The following CSMD3 variants were observed in gnomAD, a reference collection of about 807,000 sequenced individuals.
CSMD3 encodes the protein CUB and Sushi multiple domains 3.
A neutral mutation model predicts 435.2 loss-of-function variants in CSMD3; 177 were observed. The observed-to-expected ratio is 0.41, with a 90% CI of 0.36 to 0.46. The LOEUF is 0.46. Among genes scored for constraint, CSMD3 ranks in the 20% least tolerant of loss-of-function variants. The pLI is 0.34. For missense variants in CSMD3, 4,265 were observed against 4,504.6 expected (o/e 0.95, Z 1.52); for synonymous variants, 1,656 against 1,520.5 (o/e 1.09, Z -2.07).
At chr8:112,290,553 T>C (rs1401777053) in intron 56 of CSMD3, among the ~76,000 whole-genome samples, 1 of 151,954 alleles carries the variant, frequency 6.6e-6, no homozygotes, top group East Asian at 1.9e-4. Context: ...GAATCAAATT[T>C]TACAGACACA....
intron 23 of CSMD3, among the ~76,000 whole-genome samples, chr8:112,581,768 C>T (rs922472831): frequency 1.3e-5 from 2 of 151,922 alleles, no homozygotes; most frequent in Non-Finnish European, 2.9e-5. Context: ...ACTATGAATG[C>T]ATAATATTTC....
chr8:113,262,888 G>A (rs1300307373), intron 3 of CSMD3, among the ~76,000 whole-genome samples: 1 of 152,044 alleles, frequency 6.6e-6, no homozygotes, highest in Non-Finnish European at 1.5e-5. Context: ...GCTGACTGCA[G>A]CTCAGACTTC....
At chr8:112,992,507 G>A (rs2085492846) in intron 6 of CSMD3, among the ~76,000 whole-genome samples, 1 of 151,656 alleles carries the variant, frequency 6.6e-6, no homozygotes, top group Admixed American at 6.6e-5. Flanking sequence ...GCTTACTCCT[G>A]AAAAATGAGG....
At chr8:112,379,543 A>G (rs1829277351) in intron 38 of CSMD3, among the ~76,000 whole-genome samples, 1 of 152,160 alleles carries the variant, frequency 6.6e-6, no homozygotes, top group Non-Finnish European at 1.5e-5. Flanking sequence ...AATAAATAGA[A>G]ATACATCCCA....
At chr8:112,361,609 A>ATATATT (rs1479564418) in intron 38 of CSMD3, among the ~76,000 whole-genome samples, 1 of 87,630 alleles carries the variant, frequency 1.1e-5, no homozygotes, top group African/African-American at 4.0e-5. Flanking sequence ...ATATATATAT[A>ATATATT]TATATATATA....
intron 27 of CSMD3, among the ~76,000 whole-genome samples, chr8:112,537,591 A>G (rs753540125): frequency 6.6e-5 from 10 of 152,112 alleles, no homozygotes; most frequent in South Asian, 6.2e-4. Context: ...ATTAGAGACT[A>G]TTATGAAGAA....
chr8:112,580,189 A>G (rs569814786), intron 23 of CSMD3, among the ~76,000 whole-genome samples: 6 of 152,196 alleles, frequency 3.9e-5, no homozygotes, highest in African/African-American at 1.4e-4. Context: ...CACAGAGCCT[A>G]CATATAATAA....
chr8:112,273,997 A>G (rs1413982564), intron 59 of CSMD3, among the ~76,000 whole-genome samples: 1 of 151,708 alleles, frequency 6.6e-6, no homozygotes, highest in Non-Finnish European at 1.5e-5. Context: ...GGATATGAGG[A>G]GAAAATGTCT....
intron 1 of CSMD3, among the ~76,000 whole-genome samples, chr8:113,395,315 T>C (rs1409553005): frequency 6.6e-6 from 1 of 152,074 alleles, no homozygotes; most frequent in African/African-American, 2.4e-5. Context: ...ATTTAAAAAT[T>C]GGAAATCTAA....
intron 61 of CSMD3, among the ~76,000 whole-genome samples, chr8:112,256,817 C>T (rs778327949): frequency 2.6e-5 from 4 of 152,070 alleles, no homozygotes; most frequent in African/African-American, 4.8e-5. Context: ...ATAAATGTTG[C>T]CTTAGGAGGA....
intron 10 of CSMD3, among the ~76,000 whole-genome samples, chr8:112,895,481 C>G (rs559884915): frequency 9.3e-5 from 14 of 151,290 alleles, no homozygotes; most frequent in African/African-American, 3.4e-4. Context: ...AAAATGATCA[C>G]ATGTGCAGAA....
chr8:112,322,440 C>T (rs1185362384), intron 45 of CSMD3, among the ~76,000 whole-genome samples: 3 of 151,918 alleles, frequency 2.0e-5, no homozygotes, highest in African/African-American at 7.3e-5. Flanking sequence ...AAAATGTGTC[C>T]CTAGAAGCTA....
At chr8:113,172,945 T>C (rs1276400984) in intron 4 of CSMD3, among the ~76,000 whole-genome samples, 2 of 152,188 alleles carry the variant, frequency 1.3e-5, no homozygotes, top group Non-Finnish European at 2.9e-5. Flanking sequence ...TTTTGAACCT[T>C]TGTCCACATT....
At chr8:113,005,428 G>A (rs1472787914) in intron 6 of CSMD3, among the ~76,000 whole-genome samples, 1 of 151,758 alleles carries the variant, frequency 6.6e-6, no homozygotes, top group African/African-American at 2.4e-5. Flanking sequence ...TTCTCATTTA[G>A]AATTAGAGCT....
intron 1 of CSMD3, among the ~76,000 whole-genome samples, chr8:113,403,524 A>G (rs907012398): frequency 3.3e-5 from 5 of 151,446 alleles, no homozygotes; most frequent in African/African-American, 7.2e-5. Flanking sequence ...GACTCTTCCC[A>G]TTTTCTCCTC....
chr8:112,351,564 A>G (rs1373688135), intron 39 of CSMD3, among the ~76,000 whole-genome samples: 2 of 152,156 alleles, frequency 1.3e-5, no homozygotes, highest in East Asian at 3.9e-4. Flanking sequence ...AAAGGGCAGT[A>G]TACATGGTGG....
intron 6 of CSMD3, among the ~76,000 whole-genome samples, chr8:113,006,680 G>A (rs922575413): frequency 1.1e-4 from 17 of 151,902 alleles, no homozygotes; most frequent in Admixed American, 8.6e-4. Context: ...TGTGTAACCT[G>A]TTTTATCAAG....
At position 112,503,873 on chromosome 8, in the gene CSMD3, A is replaced by G. The variant is rs1248060954; in HGVS notation, c.5000T>C (p.Ile1667Thr). 3.1e-6 allele frequency: 5 copies of G among 1,613,072 alleles called. No homozygotes were observed. In the African/African-American group the frequency reaches 6.7e-5, roughly 22 times the overall value. ...SFQDSKLPER[I>T]ESSSNTMHLA... The stretch of plus-strand genomic sequence containing the variant: ...ATGCATTGTATTTGAGCTGCTTTCT[A>G]TTCTCTCTGGTAACTTGCTGTCTTG... The change falls in exon 30 of 71, where the codon ATA becomes ACA. Residue 1667 changes from isoleucine (I) to threonine (T), a missense_variant. Ile to Thr is a moderately conservative substitution (Grantham distance 89). Around this residue, in one of 3 missense-constraint regions of CSMD3, gnomAD observed 3,255 missense variants for 3,380.2 expected, o/e 0.96. Transcript: ENST00000297405.
chr8:112,439,757 G>A (rs1293883787), intron 32 of CSMD3, among the ~76,000 whole-genome samples: 1 of 152,000 alleles, frequency 6.6e-6, no homozygotes, highest in African/African-American at 2.4e-5. Flanking sequence ...AGAGCAAAGG[G>A]GGAAAAGGTC....
Sources: gnomAD v4.1 joint callset for allele counts (sites outside exome capture counted in the v4.1 genomes callset) on GRCh38, gnomAD v4.1.1 for gene constraint, gnomAD v4.1.1 regional missense constraint, MANE v1.5 for transcripts, NCBI Gene and HGNC (gene_info 2026-07-23, HGNC 2026-07-21) for gene names.